The following UBE2Q2 variants were observed in gnomAD, a reference collection of about 807,000 sequenced individuals.
UBE2Q2 encodes the protein ubiquitin conjugating enzyme E2 Q2, also known as ubiquitin-conjugating enzyme E2 Q2.
UBE2Q2 carries 54 observed loss-of-function variants against 59.9 expected under a neutral mutation model. The observed-to-expected ratio is 0.90, with a 90% confidence interval of 0.72 to 1.13. The LOEUF is 1.13. UBE2Q2 is among the 50% of genes most tolerant of loss of function. The pLI is 0.00. For synonymous variants in UBE2Q2, 165 were observed against 155.2 expected (o/e 1.06, Z -0.47); for missense variants, 433 against 441.9 (o/e 0.98, Z 0.18).
intron 3 of UBE2Q2, among the ~76,000 whole-genome samples, chr15:75,867,832 G>T (rs186278643): frequency 7.9e-5 from 12 of 152,218 alleles, no homozygotes; most frequent in African/African-American, 1.4e-4. Context: ...GGGAGTTTTA[G>T]GCTAGGTATA....
intron 1 of UBE2Q2, among the ~76,000 whole-genome samples, chr15:75,844,863 G>T (rs547104405): frequency 5.1e-4 from 77 of 152,152 alleles, no homozygotes; most frequent in African/African-American, 1.8e-3. Context: ...TGAGTCAGTG[G>T]GTACTCAAGT....
intron 1 of UBE2Q2, among the ~76,000 whole-genome samples, chr15:75,851,585 G>A (rs2141544278): frequency 6.6e-6 from 1 of 152,176 alleles, no homozygotes; most frequent in African/African-American, 2.4e-5. Flanking sequence ...TTTTATTATT[G>A]AAATTTATTA....
At chr15:75,845,592 ATG>A (rs1049138792) in intron 1 of UBE2Q2, among the ~76,000 whole-genome samples, 5 of 151,972 alleles carry the variant, frequency 3.3e-5, no homozygotes, top group Non-Finnish European at 7.4e-5. Flanking sequence ...AGTTGGGAGA[ATG>A]TATCTTTCAT....
At chr15:75,868,833 G>T in intron 3 of UBE2Q2, 118 bp from the exon 4 acceptor site, 1 of 748,446 alleles carries the variant, frequency 1.3e-6, no homozygotes, top group Non-Finnish European at 2.3e-6. Flanking sequence ...TTAATAAACT[G>T]TCTGGTAGTG....
chr15:75,891,435 T>A (rs893952579), intron 11 of UBE2Q2, among the ~76,000 whole-genome samples: 1 of 152,028 alleles, frequency 6.6e-6, no homozygotes, highest in Non-Finnish European at 1.5e-5. Flanking sequence ...TAGGCTCTAG[T>A]CTTTTCATTT....
chr15:75,857,507 T>C (rs1198490091), intron 2 of UBE2Q2, among the ~76,000 whole-genome samples: 3 of 152,206 alleles, frequency 2.0e-5, no homozygotes, highest in African/African-American at 2.4e-5. Flanking sequence ...ATAAGCTACA[T>C]GTCTTCACCT....
intron 4 of UBE2Q2, among the ~76,000 whole-genome samples, chr15:75,871,274 G>A (rs1041773192): frequency 3.9e-5 from 6 of 152,326 alleles, no homozygotes; most frequent in Middle Eastern, 3.4e-3. Flanking sequence ...TAGATGGAAC[G>A]TACAATCGGG....
At chr15:75,847,194 A>G (rs1896397082) in intron 1 of UBE2Q2, among the ~76,000 whole-genome samples, 1 of 152,236 alleles carries the variant, frequency 6.6e-6, no homozygotes, top group South Asian at 2.1e-4. Flanking sequence ...CTTCATAAAT[A>G]TTTGAGTATA....
At chr15:75,876,320 C>A in intron 6 of UBE2Q2, 49 bp downstream of exon 6, 1 of 1,468,756 alleles carries the variant, frequency 6.8e-7, no homozygotes, top group Non-Finnish European at 9.4e-7. Flanking sequence ...CTGCTCTTTT[C>A]TATTGTCAGA....
chr15:75,875,590 G>T (rs1334135606), intron 5 of UBE2Q2, among the ~76,000 whole-genome samples: 1 of 152,092 alleles, frequency 6.6e-6, no homozygotes, highest in South Asian at 2.1e-4. Context: ...AAAAATTGCT[G>T]GGGTTTGGAA....
In UBE2Q2 at chr15:75,879,125, TGATCTTCA is replaced by T; in HGVS notation, c.769_776del (p.Gln257LysfsTer12). 1 of 1,599,154 alleles carries T rather than the reference TGATCTTCA, an allele frequency of 6.3e-7. No homozygotes were observed. Among genetic ancestry groups the T allele is most frequent in the East Asian group, 2.3e-5 (1 of 44,298 alleles). On this transcript the variant is annotated frameshift_variant, in exon 8 of 13. Coordinates refer to ENST00000267938, the MANE Select transcript of UBE2Q2 (RefSeq NM_173469.4). LOFTEE classifies it high-confidence loss of function. ...TTGACCCTGATAGTCCTTTGCACAG[TGATCTTCA>T]GATCTTAAAAGAAAAAGAAGGCATA...
At chr15:75,886,533 GAA>G (rs1295549050) in intron 9 of UBE2Q2, among the ~76,000 whole-genome samples, 1 of 151,556 alleles carries the variant, frequency 6.6e-6, no homozygotes, top group Non-Finnish European at 1.5e-5. Context: ...TTATTTGAGA[GAA>G]AAAAAAGATC....
rs1304599549 is a variant in UBE2Q2 at position 75,899,614 on chromosome 15, G to A, written c.*156G>A. 4 of 571,378 alleles carry A rather than the reference G, an allele frequency of 7.0e-6. No homozygotes were observed. Among genetic ancestry groups the A allele is most frequent in the Non-Finnish European group, 1.2e-5 (4 of 343,648 alleles). The allele number at this position is 571,378 out of a possible 1,614,324, so 35.4% of individuals were successfully genotyped here. On this transcript the variant is annotated 3_prime_UTR_variant, in exon 13 of 13. Transcript: ENST00000267938. ...ATCTGTCATCTGACATCCAGTATAA[G>A]TTACAGCCTTTGCATTTTGCTCATT...
intron 7 of UBE2Q2, among the ~76,000 whole-genome samples, 200 bp from the exon 8 acceptor site, chr15:75,878,898 T>C (rs1002810349): frequency 6.6e-6 from 1 of 152,190 alleles, no homozygotes; most frequent in Non-Finnish European, 1.5e-5. Context: ...TGGTCTCTTT[T>C]GGACATTTAT....
chr15:75,876,501 T>C (rs965200013), intron 6 of UBE2Q2, among the ~76,000 whole-genome samples: 1 of 152,248 alleles, frequency 6.6e-6, no homozygotes, highest in African/African-American at 2.4e-5. Flanking sequence ...CATTGGAATT[T>C]TGTCCTCTTC....
In UBE2Q2 at chr15:75,873,428, G is replaced by A; in HGVS notation, c.448G>A (p.Asp150Asn). The A allele has an allele frequency of 6.3e-7, 1 of 1,598,842 alleles. No individual in the cohort carries two copies. Among genetic ancestry groups the A allele is most frequent in the Non-Finnish European group, 8.5e-7 (1 of 1,176,370 alleles). ...GCTAACATTTTTCGTCTCTTTGTAG[G>A]ATATAGAAGACTTAGATCACTATGA... ...EEEEEEEMAE[D>N]IEDLDHYEMK... is the part of the protein sequence containing the mutation. The change falls in exon 5 of 13, where the codon GAT (aspartate) becomes AAT (asparagine). Residue 150 changes from aspartate to asparagine, a missense_variant and splice_region_variant. Transcript: ENST00000267938.
chr15:75,848,133 G>GC (rs1220277882), intron 1 of UBE2Q2, among the ~76,000 whole-genome samples: 2 of 152,058 alleles, frequency 1.3e-5, no homozygotes, highest in Non-Finnish European at 2.9e-5. Context: ...TTTTTGCACT[G>GC]CAAGAGAGCA....
At chr15:75,843,991 A>G (rs1166276832) in intron 1 of UBE2Q2, 145 bp downstream of exon 1, 10 of 1,402,830 alleles carry the variant, frequency 7.1e-6, no homozygotes, top group South Asian at 1.6e-5. Flanking sequence ...CGACTTGCCC[A>G]TCCCAGGCCG....
At chr15:75,874,345 A>G in intron 5 of UBE2Q2, among the ~76,000 whole-genome samples, 1 of 147,684 alleles carries the variant, frequency 6.8e-6, no homozygotes, top group East Asian at 2.0e-4. Context: ...GTGTGGTGGC[A>G]TGATCTCAGC....
Sources: allele counts gnomAD v4.1 joint callset (sites outside exome capture counted in the v4.1 genomes callset), GRCh38; gene constraint gnomAD v4.1.1; transcripts MANE v1.5; gene names NCBI Gene and HGNC (gene_info 2026-07-23, HGNC 2026-07-21).